ANKRD30A: variants seen among roughly 807,000 people sequenced by gnomAD.
ANKRD30A encodes ankyrin repeat domain-containing protein 30A.
In ANKRD30A, 170 loss-of-function variants were observed where a neutral mutation model predicts 166.3. That is an observed-to-expected ratio of 1.02 (90% CI 0.90 to 1.16). The LOEUF is 1.16. ANKRD30A is among the 50% of genes most tolerant of loss of function. The pLI is 0.00. For missense variants in ANKRD30A, 1,630 were observed against 1,518.0 expected, an observed-to-expected ratio of 1.07 and a Z score of -1.23; for synonymous variants, 564 against 508.9, an observed-to-expected ratio of 1.11 and a Z score of -1.46.
intron 19 of ANKRD30A, 134 bp downstream of exon 19, chr10:37,166,829 C>T: frequency 1.4e-6 from 2 of 1,404,648 alleles, no homozygotes; most frequent in South Asian, 1.4e-5. Flanking sequence ...GTGCAATGGT[C>T]ATAAGTTATG....
chr10:37,201,270 T>C lies in ANKRD30A; in HGVS notation c.2814T>C (p.Cys938=). 6.3e-7 allele frequency: 1 copy of C among 1,595,784 alleles called. No individual in the cohort carries two copies. Among genetic ancestry groups the C allele is most frequent in the Non-Finnish European group, 8.5e-7 (1 of 1,172,560 alleles). The change falls in exon 31 of 36, where the codon TGT becomes TGC. Residue 938 remains cysteine (C), a synonymous_variant. Coordinates refer to ENST00000361713, the MANE Select transcript of ANKRD30A (RefSeq NM_052997.3). Reference sequence around the variant, plus strand: ...AGACTGTTTCACAGAAGGATGTGTGTGTACCCAAGGCTACACATCAAAAAG... The same window carrying C: ...AGACTGTTTCACAGAAGGATGTGTGCGTACCCAAGGCTACACATCAAAAAG... ...LRETVSQKDV[C]VPKATHQKEM...
chr10:37,190,886 C>G (rs1840504747), intron 25 of ANKRD30A, among the ~76,000 whole-genome samples: 1 of 151,650 alleles, frequency 6.6e-6, no homozygotes, highest in Admixed American at 6.6e-5. Context: ...ATAAGATATA[C>G]TTGAATGTAA....
At chr10:37,233,382 C>T (rs1490514197), downstream of ANKRD30A, among the ~76,000 whole-genome samples, 2 of 151,992 alleles carry the variant, frequency 1.3e-5, no homozygotes, top group African/African-American at 4.8e-5. Context: ...AGTCATGATG[C>T]ACATATGAAT....
intron 34 of ANKRD30A, among the ~76,000 whole-genome samples, chr10:37,226,089 C>T (rs1843135697): frequency 6.6e-6 from 1 of 150,836 alleles, no homozygotes; most frequent in African/African-American, 2.4e-5. Context: ...CTTAGCATAA[C>T]ATTTTCTTTT....
downstream of ANKRD30A, among the ~76,000 whole-genome samples, chr10:37,235,092 T>G (rs575727660): frequency 6.6e-6 from 1 of 152,328 alleles, no homozygotes; most frequent in Admixed American, 6.5e-5. Context: ...AATACAGAGT[T>G]TGAGAAACTT....
At chr10:37,167,144 G>A (rs1839418680) in intron 19 of ANKRD30A, among the ~76,000 whole-genome samples, 1 of 151,726 alleles carries the variant, frequency 6.6e-6, no homozygotes, top group Non-Finnish European at 1.5e-5. Flanking sequence ...AATGGAGTGA[G>A]CTCACTTCGG....
chr10:37,184,704 AGACTAAT>A (rs1489717421), intron 24 of ANKRD30A: 3 of 37,052 alleles, frequency 8.1e-5, no homozygotes, highest in African/African-American at 2.9e-4. Context: ...AATTTATTAT[AGACTAAT>A]GATACACCAA....
intron 34 of ANKRD30A, among the ~76,000 whole-genome samples, chr10:37,225,026 G>A (rs1020143946): frequency 8.6e-5 from 13 of 151,192 alleles, no homozygotes; most frequent in Non-Finnish European, 1.3e-4. Context: ...GTAAAAATTC[G>A]TATTTAATAA....
At chr10:37,167,129 A>C (rs1252287751) in intron 19 of ANKRD30A, among the ~76,000 whole-genome samples, 2 of 151,918 alleles carry the variant, frequency 1.3e-5, no homozygotes, top group East Asian at 3.9e-4. Context: ...TTTTCTATGA[A>C]GGAAAATGGA....
intron 7 of ANKRD30A, among the ~76,000 whole-genome samples, chr10:37,142,942 C>T (rs1564479597): frequency 6.6e-6 from 1 of 152,026 alleles, no homozygotes; most frequent in African/African-American, 2.4e-5. Context: ...TCTCTCAAGA[C>T]AATATTTAAA....
At chr10:37,210,394 CT>C (rs1842228958) in intron 31 of ANKRD30A, among the ~76,000 whole-genome samples, 1 of 152,102 alleles carries the variant, frequency 6.6e-6, no homozygotes, top group Admixed American at 6.6e-5. Flanking sequence ...GGTTCCAAGT[CT>C]TTGCTATTGA....
chr10:37,205,719 G>A (rs1767366), intron 31 of ANKRD30A, among the ~76,000 whole-genome samples: 27,339 of 152,188 alleles, frequency 0.18, 3,139 homozygotes, highest in Admixed American at 0.26. Flanking sequence ...TATATGAGCA[G>A]CCACACATGT....
chr10:37,233,426 C>T (rs977336399), downstream of ANKRD30A, among the ~76,000 whole-genome samples: 1 of 152,046 alleles, frequency 6.6e-6, no homozygotes, highest in Admixed American at 6.6e-5. Context: ...ATAATCAGCT[C>T]ATGTATTATT....
Position 37,131,967 on chromosome 10 carries a change from C to T in ANKRD30A, c.511-273C>T, listed in dbSNP as rs117040178. On this transcript the variant is annotated intron_variant, in intron 3 of 35. Coordinates refer to ENST00000361713, the MANE Select transcript of ANKRD30A (RefSeq NM_052997.3). ...AGAGATAAAAGATACAGCCCTTGCC[C>T]TCAAGAAGCTCTTGGTTTAGATGGG... 9.4e-3 allele frequency among the ~76,000 whole-genome samples: 1,433 copies of T among 152,190 alleles called. 37 individuals carry two copies. In the East Asian group the frequency reaches 0.095, roughly 10 times the overall value.
chr10:37,247,003 T>C, the ANKRD30A span, among the ~76,000 whole-genome samples: 2 of 152,062 alleles, frequency 1.3e-5, no homozygotes, highest in Non-Finnish European at 2.9e-5. Context: ...GGTGGATCAC[T>C]TGAGGCCAGG....
intron 34 of ANKRD30A, 29 bp from the exon 35 acceptor site, chr10:37,231,432 T>A: frequency 6.3e-7 from 1 of 1,577,474 alleles, no homozygotes; most frequent in Non-Finnish European, 8.6e-7. Flanking sequence ...AATAAAATAC[T>A]AAGCATTTTC....
intron 24 of ANKRD30A, chr10:37,178,468 AG>A (rs1564527901): frequency 1.1e-6 from 1 of 909,910 alleles, no homozygotes; most frequent in East Asian, 1.2e-4. Context: ...AAAAGTTCTC[AG>A]GTGATGCTGA....
chr10:37,133,067 G>T (rs1836473524), intron 4 of ANKRD30A, among the ~76,000 whole-genome samples: 3 of 151,990 alleles, frequency 2.0e-5, no homozygotes, highest in Non-Finnish European at 4.4e-5. Flanking sequence ...TAGGATGACT[G>T]TTTGCTTGTT....
chr10:37,136,158 A>G (rs117816508), intron 5 of ANKRD30A, among the ~76,000 whole-genome samples: 9,194 of 152,206 alleles, frequency 0.06, 396 homozygotes, highest in Middle Eastern at 0.11. Flanking sequence ...AAATTATTTC[A>G]TTGCTTCACT....
Sources: gnomAD v4.1 joint callset for allele counts (sites outside exome capture counted in the v4.1 genomes callset) on GRCh38, gnomAD v4.1.1 for gene constraint, MANE v1.5 for transcripts, NCBI Gene and HGNC (gene_info 2026-07-23, HGNC 2026-07-21) for gene names.